The following SEC14L2 variants were observed in gnomAD, a reference collection of about 807,000 sequenced individuals.
SEC14L2 encodes the protein SEC14 like lipid binding 2.
In SEC14L2, 50 loss-of-function variants were observed where a neutral mutation model predicts 56.9. The ratio of observed to expected loss-of-function variants is 0.88; its 90% CI spans 0.70 to 1.11. The LOEUF is 1.11. Among genes scored for constraint, SEC14L2 ranks in the 50% most tolerant of loss-of-function variants. The pLI is 0.00. For synonymous variants in SEC14L2, 179 were observed against 188.5 expected, an observed-to-expected ratio of 0.95 and a Z score of 0.41; for missense variants, 414 against 500.7, an observed-to-expected ratio of 0.83 and a Z score of 1.65.
Position 30,399,505 on chromosome 22 carries a change from C to T in SEC14L2, c.55-138C>T, listed in dbSNP as rs531341495. The stretch of plus-strand genomic sequence containing the variant: ...CTCCAGCCTGGGCGAGAGTGCGAGA[C>T]TCTATCTCAAAAAAAAAAAAAAAAA... On this transcript the variant is annotated intron_variant, in intron 1 of 11. Coordinates refer to ENST00000615189, the MANE Select transcript of SEC14L2 (RefSeq NM_012429.5). 2.1e-5 allele frequency: 9 copies of T among 420,138 alleles called. No homozygotes were observed. The Admixed American group carries it at 3.1e-4, about 15-fold the overall frequency. 26.0% of individuals were successfully genotyped at this position (420,138 alleles called of 1,614,324 possible).
intron 2 of SEC14L2, among the ~76,000 whole-genome samples, chr22:30,402,125 C>T (rs1211952335): frequency 1.3e-5 from 2 of 152,126 alleles, no homozygotes; most frequent in African/African-American, 4.8e-5. Flanking sequence ...GTCCACCGCC[C>T]AGAGATGGTG....
intron 8 of SEC14L2, among the ~76,000 whole-genome samples, chr22:30,414,863 T>A (rs1465949128): frequency 6.6e-6 from 1 of 152,080 alleles, no homozygotes; most frequent in Non-Finnish European, 1.5e-5. Flanking sequence ...AGAATCCATT[T>A]AAGGGGTGAC....
At chr22:30,409,357 G>A (rs373217107) in intron 6 of SEC14L2, 69 bp from the exon 7 acceptor site, 1 of 1,604,254 alleles carries the variant, frequency 6.2e-7, no homozygotes, top group African/African-American at 1.3e-5. Context: ...AGGCTGTCCT[G>A]TGGGATGGGT....
intron 5 of SEC14L2, 58 bp from the exon 6 acceptor site, chr22:30,409,129 G>T: frequency 6.8e-7 from 1 of 1,466,372 alleles, no homozygotes; most frequent in South Asian, 1.1e-5. Flanking sequence ...GCCTGGACTG[G>T]AACGGGCTTC....
At chr22:30,398,078 C>CG (rs1210518752) in intron 1 of SEC14L2, among the ~76,000 whole-genome samples, 2 of 151,968 alleles carry the variant, frequency 1.3e-5, no homozygotes, top group African/African-American at 2.4e-5. Context: ...AAAGGTGGGG[C>CG]GGGGGGCAGA....
chr22:30,407,037 C>G (rs368034705), intron 3 of SEC14L2, 58 bp from the exon 4 acceptor site: 108 of 1,569,662 alleles, frequency 6.9e-5, no homozygotes, highest in Middle Eastern at 1.7e-4. Context: ...CAGGTGTGAA[C>G]CACCATGCCT....
Position 30,397,183 on chromosome 22 carries a change from C to G in SEC14L2, c.54+13C>G, listed in dbSNP as rs1225609012. ...GGCATTGGCCAAGGTGAGCTGTAGC[C>G]CTGGCCCGGGCTCCCGCCTCGGGCT... On this transcript the variant is annotated intron_variant, in intron 1 of 11. Transcript: ENST00000615189. 2.0e-6 allele frequency: 3 copies of G among 1,522,994 alleles called. No individual in the cohort carries two copies. The highest frequency in any genetic ancestry group is 2.6e-6 in the Non-Finnish European group (3 of 1,132,960). 94.3% of individuals were successfully genotyped at this position (1,522,994 alleles called of 1,614,324 possible). A position where few individuals can be genotyped will look rare whatever the true frequency, so the allele number is the denominator to read the frequency against.
intron 8 of SEC14L2, among the ~76,000 whole-genome samples, chr22:30,412,643 G>C (rs1002860362): frequency 2.6e-5 from 4 of 151,864 alleles, no homozygotes; most frequent in Non-Finnish European, 4.4e-5. Context: ...GGACAACATG[G>C]TAAAACTCCA....
At position 30,425,047 on chromosome 22, in the gene SEC14L2, C is replaced by T. The variant is rs1404276070; in HGVS notation, c.*2640C>T. On this transcript the variant is annotated 3_prime_UTR_variant, in exon 12 of 12. Transcript: ENST00000615189. Reference sequence around the variant, plus strand: ...ACCTACCTCCCAGGGGCTCACCGTTCACTCCTCTAGCCTCATTTAGAGCTC... The same window carrying T: ...ACCTACCTCCCAGGGGCTCACCGTTTACTCCTCTAGCCTCATTTAGAGCTC... 8.7e-6 allele frequency: 3 copies of T among 345,422 alleles called. No individual in the cohort carries two copies. The highest frequency in any genetic ancestry group is 6.5e-5 in the African/African-American group (3 of 46,508). 21.4% of individuals were successfully genotyped at this position (345,422 alleles called of 1,614,324 possible). A position where few individuals can be genotyped will look rare whatever the true frequency, so the allele number is the denominator to read the frequency against.
At position 30,407,108 on chromosome 22, in the gene SEC14L2, G is replaced by A. The variant is rs774075947; in HGVS notation, c.188G>A (p.Arg63Gln). The A allele has an allele frequency of 4.1e-5, 66 of 1,613,732 alleles. No individual in the cohort carries two copies. Among genetic ancestry groups the A allele is most frequent in the Non-Finnish European group, 5.2e-5 (61 of 1,179,932 alleles). ...GTATCTTTGTAGCATGTGGAGTTCC[G>A]AAAGCAAAAGGACATTGACAACATC... ...EAMLRKHVEFRKQKDIDNIIS... is the reference protein window; with the variant it reads ...EAMLRKHVEFQKQKDIDNIIS... Residue 63 changes from arginine to glutamine, a missense_variant, in exon 4 of 12, where the codon CGA becomes CAA. Arg to Gln is a conservative substitution (Grantham distance 43). Coordinates refer to ENST00000615189, the MANE Select transcript of SEC14L2 (RefSeq NM_012429.5).
At chr22:30,415,277 C>CA (rs552022802) in intron 8 of SEC14L2, among the ~76,000 whole-genome samples, 39 of 152,126 alleles carry the variant, frequency 2.6e-4, no homozygotes, top group Admixed American at 2.4e-3. Flanking sequence ...ACTAAAAATA[C>CA]AAAAAATTAG....
chr22:30,401,675 G>T (rs572676146), intron 2 of SEC14L2, among the ~76,000 whole-genome samples: 1 of 100,970 alleles, frequency 9.9e-6, no homozygotes, highest in Non-Finnish European at 2.0e-5. Context: ...CACCACGCCC[G>T]GCTAATTTTT....
At chr22:30,421,271 G>C (rs913204464) in intron 11 of SEC14L2, 1 of 152,126 alleles carries the variant, frequency 6.6e-6, no homozygotes, top group Non-Finnish European at 1.5e-5. Flanking sequence ...AGGATTTCAG[G>C]AAACTTTCCC....
intron 4 of SEC14L2, 42 bp from the exon 5 acceptor site, chr22:30,407,373 G>A (rs1555996752): frequency 6.9e-6 from 11 of 1,598,882 alleles, no homozygotes; most frequent in Admixed American, 1.7e-5. Context: ...GGCAAGGTAT[G>A]GATGCCTGCT....
intron 1 of SEC14L2, chr22:30,398,861 G>A (rs1260944192): frequency 8.7e-6 from 4 of 461,224 alleles, no homozygotes; most frequent in Non-Finnish European, 1.8e-5. Context: ...TTTGACCTTG[G>A]GCATGTTACT....
At chr22:30,400,972 T>C (rs1393581364) in intron 2 of SEC14L2, among the ~76,000 whole-genome samples, 1 of 148,018 alleles carries the variant, frequency 6.8e-6, no homozygotes, top group Non-Finnish European at 1.5e-5. Flanking sequence ...AGGTTTCACG[T>C]TGGCCAGGCT....
At chr22:30,397,291 G>C in intron 1 of SEC14L2, 121 bp downstream of exon 1, 1 of 927,132 alleles carries the variant, frequency 1.1e-6, no homozygotes, top group Non-Finnish European at 1.5e-6. Flanking sequence ...GGAGGGAACA[G>C]AGGCGGCTGT....
intron 11 of SEC14L2, chr22:30,420,400 C>T (rs1249010103): frequency 1.3e-5 from 2 of 152,288 alleles, no homozygotes; most frequent in Non-Finnish European, 1.5e-5. Context: ...AATGACTCCA[C>T]TTCCCTCTGG....
intron 8 of SEC14L2, 37 bp downstream of exon 8, chr22:30,410,716 G>T (rs776154802): frequency 4.4e-6 from 7 of 1,585,782 alleles, no homozygotes; most frequent in Non-Finnish European, 5.2e-6. Context: ...CCAAAGGAGG[G>T]TCTGTAGCCT....
Sources: allele counts gnomAD v4.1 joint callset (sites outside exome capture counted in the v4.1 genomes callset), GRCh38; gene constraint gnomAD v4.1.1; transcripts MANE v1.5; gene names NCBI Gene and HGNC (gene_info 2026-07-23, HGNC 2026-07-21).